The following TMEM272 variants were observed in gnomAD, a reference collection of about 807,000 sequenced individuals.
TMEM272 encodes transmembrane protein 272, also known as long intergenic non-protein coding RNA 282.
A neutral mutation model predicts 3.7 loss-of-function variants in TMEM272; 8 were observed. That is an observed-to-expected ratio of 2.17 (90% CI 1.27 to 3.91). TMEM272 has a LOEUF of 3.91. TMEM272 is among the 30% of genes most tolerant of loss of function. The pLI is 0.00. For synonymous variants in TMEM272, 63 were observed against 39.8 expected, an observed-to-expected ratio of 1.58 and a Z score of -2.20; for missense variants, 166 against 91.5, an observed-to-expected ratio of 1.81 and a Z score of -3.32.
chr13:51,927,063 CA>C, the TMEM272 span, among the ~76,000 whole-genome samples: 5 of 152,062 alleles, frequency 3.3e-5, no homozygotes, highest in Non-Finnish European at 7.4e-5. Context: ...TCCTAAGTCA[CA>C]AACAGGCAAT....
the TMEM272 span, among the ~76,000 whole-genome samples, chr13:51,874,727 G>C: frequency 6.6e-6 from 1 of 152,106 alleles, no homozygotes; most frequent in African/African-American, 2.4e-5. Flanking sequence ...TCCCTCTCAC[G>C]GTTGCAGGTG....
intron 1 of TMEM272, among the ~76,000 whole-genome samples, chr13:51,840,215 A>T (rs1956250003): frequency 6.6e-6 from 1 of 151,900 alleles, no homozygotes; most frequent in African/African-American, 2.4e-5. Context: ...TCTCCACTTC[A>T]CCCCAGAGCA....
the TMEM272 span, among the ~76,000 whole-genome samples, chr13:51,876,521 C>T: frequency 1.3e-5 from 2 of 152,212 alleles, no homozygotes; most frequent in South Asian, 4.1e-4. Flanking sequence ...GTTAACTTCA[C>T]ATCATTTGCA....
chr13:51,826,294 G>C (rs1593592762), intron 3 of TMEM272, among the ~76,000 whole-genome samples: 2 of 152,300 alleles, frequency 1.3e-5, no homozygotes, highest in East Asian at 3.9e-4. Flanking sequence ...ACTTGGGCTG[G>C]AGGGATCAGA....
At chr13:51,826,285 C>G (rs910891776) in intron 3 of TMEM272, among the ~76,000 whole-genome samples, 1 of 152,144 alleles carries the variant, frequency 6.6e-6, no homozygotes, top group Non-Finnish European at 1.5e-5. Flanking sequence ...CACTTCCAAA[C>G]TTGGGCTGGA....
intron 4 of TMEM272, among the ~76,000 whole-genome samples, chr13:51,821,151 G>A (rs952293769): frequency 6.6e-6 from 1 of 152,200 alleles, no homozygotes; most frequent in South Asian, 2.1e-4. Context: ...CACTGGGTCC[G>A]AATGAGAGTT....
chr13:51,824,561 T>C (rs1360770541), intron 3 of TMEM272, among the ~76,000 whole-genome samples: 3 of 152,216 alleles, frequency 2.0e-5, no homozygotes, highest in Non-Finnish European at 4.4e-5. Context: ...GCAGTGGATG[T>C]GGTGATTTTA....
the TMEM272 span, among the ~76,000 whole-genome samples, chr13:51,914,082 C>G: frequency 1.3e-5 from 2 of 152,236 alleles, no homozygotes; most frequent in Admixed American, 6.5e-5. Flanking sequence ...TCCTTCTATT[C>G]TAACACAGTT....
intron 3 of TMEM272, among the ~76,000 whole-genome samples, chr13:51,824,759 C>A (rs1312344542): frequency 6.6e-6 from 1 of 152,182 alleles, no homozygotes; most frequent in Non-Finnish European, 1.5e-5. Context: ...TCAAGACCAG[C>A]CTGGCCAACG....
the TMEM272 span, among the ~76,000 whole-genome samples, chr13:51,914,224 G>A: frequency 6.6e-6 from 1 of 152,216 alleles, no homozygotes; most frequent in Non-Finnish European, 1.5e-5. Context: ...GCCAATACAT[G>A]CAGAGTTGGA....
intron 2 of TMEM272, among the ~76,000 whole-genome samples, chr13:51,835,471 G>C (rs1463598298): frequency 6.6e-6 from 1 of 152,084 alleles, no homozygotes; most frequent in African/African-American, 2.4e-5. Context: ...TGATCTGCTC[G>C]CCTCGGTCTC....
At chr13:51,891,249 C>T in the TMEM272 span, among the ~76,000 whole-genome samples, 8 of 152,134 alleles carry the variant, frequency 5.3e-5, no homozygotes, top group Non-Finnish European at 1.2e-4. Context: ...GAAAAATTAC[C>T]AAGAGAAAAG....
chr13:51,844,510 C>T (rs532365286), intron 1 of TMEM272, among the ~76,000 whole-genome samples: 8 of 152,236 alleles, frequency 5.3e-5, no homozygotes, highest in African/African-American at 1.4e-4. Flanking sequence ...TAACCATGCC[C>T]GAATGCATGA....
the TMEM272 span, among the ~76,000 whole-genome samples, chr13:51,927,965 T>C: frequency 6.6e-6 from 1 of 152,084 alleles, no homozygotes; most frequent in Non-Finnish European, 1.5e-5. Context: ...AGGGGTACAG[T>C]CGGGTTTTGA....
chr13:51,820,204 T>C (rs7992588), intron 4 of TMEM272, among the ~76,000 whole-genome samples: 115,585 of 152,112 alleles, frequency 0.76, 44,222 homozygotes, highest in Admixed American at 0.82. Context: ...CTCAGTTCTT[T>C]CTGGTAGCTC....
intron 1 of TMEM272, 48 bp from the exon 2 acceptor site, chr13:51,838,601 T>G (rs1956235629): frequency 1.4e-6 from 1 of 702,980 alleles, no homozygotes; most frequent in Non-Finnish European, 2.6e-6. Flanking sequence ...AAGGATTTAC[T>G]CAGCACCAAT....
chr13:51,825,034 C>T (rs1049195718), intron 3 of TMEM272, among the ~76,000 whole-genome samples: 6 of 152,208 alleles, frequency 3.9e-5, no homozygotes, highest in Admixed American at 3.9e-4. Context: ...GCATAGAATG[C>T]CCTCTGGAGA....
chr13:51,864,622 C>T, the TMEM272 span, among the ~76,000 whole-genome samples: 11 of 152,156 alleles, frequency 7.2e-5, no homozygotes, highest in African/African-American at 2.7e-4. Context: ...TGGATTGTTT[C>T]CAGAGTTGAG....
chr13:51,879,651 C>T, the TMEM272 span, among the ~76,000 whole-genome samples: 2 of 152,296 alleles, frequency 1.3e-5, no homozygotes, highest in East Asian at 1.9e-4. Context: ...CACACACACC[C>T]GCCCAACATA....
Sources: allele counts gnomAD v4.1 joint callset (sites outside exome capture counted in the v4.1 genomes callset), GRCh38; gene constraint gnomAD v4.1.1; transcripts MANE v1.5; gene names NCBI Gene and HGNC (gene_info 2026-07-23, HGNC 2026-07-21).